SENP5: variants seen among roughly 807,000 people sequenced by gnomAD.
The protein encoded by SENP5 is SUMO specific peptidase 5, also known as sentrin-specific protease 5.
In SENP5, 21 loss-of-function variants were observed where a neutral mutation model predicts 74.2. The observed-to-expected ratio is 0.28, with a 90% CI of 0.20 to 0.41. SENP5 has a LOEUF of 0.41. Ranked by LOEUF, SENP5 falls within the 10% of genes least tolerant of loss-of-function variation. The pLI is 1.00. For missense variants in SENP5, 717 were observed against 889.1 expected (o/e 0.81, Z 2.46); for synonymous variants, 311 against 312.7 (o/e 0.99, Z 0.06).
chr3:196,912,891 A>G (rs1577835337), intron 6 of SENP5: 2 of 152,302 alleles, frequency 1.3e-5, no homozygotes, highest in African/African-American at 2.4e-5. Flanking sequence ...TTGTTTGAAA[A>G]TTGTAGAAAT....
intron 7 of SENP5, among the ~76,000 whole-genome samples, 200 bp from the exon 8 acceptor site, chr3:196,927,596 A>G (rs902521560): frequency 8.6e-5 from 13 of 150,768 alleles, no homozygotes; most frequent in African/African-American, 2.4e-4. Flanking sequence ...TGATCACGCC[A>G]TTGTACTCCA....
intron 6 of SENP5, chr3:196,912,557 A>G (rs1715179140): frequency 6.6e-6 from 1 of 152,124 alleles, no homozygotes; most frequent in African/African-American, 2.4e-5. Context: ...CTCTGTCTCA[A>G]TTAAAAAGAA....
chr3:196,918,641 C>T (rs1377541028), intron 6 of SENP5, among the ~76,000 whole-genome samples: 2 of 151,972 alleles, frequency 1.3e-5, no homozygotes. Flanking sequence ...AACAAAATGG[C>T]AGTAGGAAGT....
intron 1 of SENP5, among the ~76,000 whole-genome samples, chr3:196,881,119 A>G (rs1713709984): frequency 6.6e-6 from 1 of 150,948 alleles, no homozygotes; most frequent in Non-Finnish European, 1.5e-5. Context: ...GCTAATTTTT[A>G]TATTTCTTTG....
At chr3:196,897,312 GA>G in intron 2 of SENP5, among the ~76,000 whole-genome samples, 1 of 152,278 alleles carries the variant, frequency 6.6e-6, no homozygotes, top group East Asian at 1.9e-4. Context: ...TGTAAGATGT[GA>G]AATAGTAAAC....
At chr3:196,908,187 G>A (rs1212509259) in intron 6 of SENP5, among the ~76,000 whole-genome samples, 1 of 152,094 alleles carries the variant, frequency 6.6e-6, no homozygotes, top group Non-Finnish European at 1.5e-5. Context: ...GGCTGCGGTG[G>A]GAGGATCACT....
chr3:196,913,629 A>G (rs1443827547), intron 6 of SENP5, among the ~76,000 whole-genome samples: 1 of 150,092 alleles, frequency 6.7e-6, no homozygotes, highest in Non-Finnish European at 1.5e-5. Flanking sequence ...TCAGTGATGA[A>G]AAGGTTTATA....
intron 1 of SENP5, among the ~76,000 whole-genome samples, chr3:196,879,441 T>C (rs958739431): frequency 6.6e-6 from 1 of 152,232 alleles, no homozygotes; most frequent in African/African-American, 2.4e-5. Context: ...CTTCTGGTTG[T>C]CTGTTTCTCC....
At chr3:196,882,314 C>T (rs1713762087) in intron 1 of SENP5, among the ~76,000 whole-genome samples, 1 of 152,214 alleles carries the variant, frequency 6.6e-6, no homozygotes, top group East Asian at 1.9e-4. Flanking sequence ...GTGCAACCAT[C>T]ACCACCATTC....
At chr3:196,893,875 A>G (rs899447391) in intron 2 of SENP5, among the ~76,000 whole-genome samples, 3 of 148,826 alleles carry the variant, frequency 2.0e-5, no homozygotes, top group African/African-American at 7.4e-5. Context: ...GCACCACTGC[A>G]CTCCAGCCTG....
chr3:196,872,558 C>T (rs1713263073), intron 1 of SENP5, among the ~76,000 whole-genome samples: 3 of 152,104 alleles, frequency 2.0e-5, no homozygotes, highest in Non-Finnish European at 4.4e-5. Context: ...CTCAACTGGA[C>T]CAGTTGAAAA....
intron 2 of SENP5, among the ~76,000 whole-genome samples, chr3:196,892,990 G>A (rs1044942493): frequency 6.2e-4 from 95 of 152,244 alleles, no homozygotes; most frequent in African/African-American, 2.0e-3. Flanking sequence ...GGATAGTGCC[G>A]CAGTGAGTAT....
intron 6 of SENP5, among the ~76,000 whole-genome samples, chr3:196,904,655 G>A (rs1174275120): frequency 6.6e-6 from 1 of 152,108 alleles, no homozygotes; most frequent in Non-Finnish European, 1.5e-5. Flanking sequence ...GGGCTGTGAT[G>A]GTGGGCGCCT....
At chr3:196,908,419 A>G (rs1024898570) in intron 6 of SENP5, among the ~76,000 whole-genome samples, 1 of 152,240 alleles carries the variant, frequency 6.6e-6, no homozygotes, top group Non-Finnish European at 1.5e-5. Context: ...ATGTACCAGA[A>G]TCTCTGGGAC....
At position 196,896,751 on chromosome 3, in the gene SENP5, G is replaced by A. The variant is rs79363760; in HGVS notation, c.1514-2915G>A. ...CATGAGCCACCGCACCTGGCCCAGT[G>A]TCTCTATTTGTAAAGTAGGGATACT... is the stretch of plus-strand genomic sequence containing the variant. On this transcript the variant is annotated intron_variant, in intron 2 of 9. Transcript: ENST00000323460. Among the ~76,000 whole-genome samples the A allele has an allele frequency of 1.2e-3, 189 of 152,220 alleles. 7 individuals are homozygous for A. The East Asian group carries it at 0.031, about 25-fold the overall frequency.
At chr3:196,930,438 G>C (rs1206881558) in intron 9 of SENP5, among the ~76,000 whole-genome samples, 1 of 152,160 alleles carries the variant, frequency 6.6e-6, no homozygotes, top group Admixed American at 6.5e-5. Flanking sequence ...TTAAAACAGT[G>C]TATTTTTACA....
At chr3:196,920,716 A>C (rs150909259) in intron 6 of SENP5, among the ~76,000 whole-genome samples, 155 of 152,252 alleles carry the variant, frequency 1.0e-3, no homozygotes, top group Non-Finnish European at 1.8e-3. Context: ...AATTTCATCA[A>C]ATGCTTTTCC....
At chr3:196,888,439 C>G (rs566123048) in intron 2 of SENP5, among the ~76,000 whole-genome samples, 131 of 151,982 alleles carry the variant, frequency 8.6e-4, no homozygotes, top group Non-Finnish European at 1.7e-3. Flanking sequence ...AAAAATCAGC[C>G]AGGTGTTGTG....
intron 1 of SENP5, among the ~76,000 whole-genome samples, chr3:196,869,586 C>A (rs549268014): frequency 6.6e-6 from 1 of 151,496 alleles, no homozygotes; most frequent in South Asian, 2.1e-4. Flanking sequence ...CATGGTGAAA[C>A]CCCATCTCTA....
Sources: allele counts gnomAD v4.1 joint callset (sites outside exome capture counted in the v4.1 genomes callset), GRCh38; gene constraint gnomAD v4.1.1; transcripts MANE v1.5; gene names NCBI Gene and HGNC (gene_info 2026-07-23, HGNC 2026-07-21).